The following LRRC31 variants were observed in gnomAD, a reference collection of about 807,000 sequenced individuals.
LRRC31 encodes leucine-rich repeat-containing protein 31.
LRRC31 carries 35 observed loss-of-function variants against 46.7 expected under a neutral mutation model. That is an observed-to-expected ratio of 0.75 (90% CI 0.57 to 0.99). The LOEUF (loss-of-function observed/expected upper bound fraction) is 0.99. LRRC31 is among the 50% of genes least tolerant of loss of function. The probability of loss-of-function intolerance (pLI) is 0.00; values close to 1 mark genes in which losing one functional copy is unlikely to be tolerated. For missense variants in LRRC31, 613 were observed against 626.1 expected, an observed-to-expected ratio of 0.98 and a Z score of 0.22; for synonymous variants, 236 against 235.1, an observed-to-expected ratio of 1.00 and a Z score of -0.03.
chr3:169,864,001 AGT>A (rs35795931), intron 1 of LRRC31, among the ~76,000 whole-genome samples: 3,022 of 148,462 alleles, frequency 0.02, 75 homozygotes, highest in African/African-American at 0.047. Context: ...TCCAAAGCCT[AGT>A]GTGTGTGTGT....
intron 5 of LRRC31, among the ~76,000 whole-genome samples, chr3:169,855,236 G>A (rs921655355): frequency 6.6e-6 from 1 of 152,152 alleles, no homozygotes; most frequent in Non-Finnish European, 1.5e-5. Context: ...GCCTGGCCAA[G>A]ATGGTGAAAC....
intron 8 of LRRC31, among the ~76,000 whole-genome samples, chr3:169,840,653 C>G (rs563534566): frequency 1.3e-5 from 2 of 152,280 alleles, no homozygotes; most frequent in Admixed American, 1.3e-4. Context: ...AACTAAGGAC[C>G]ATTTGTAAAT....
At chr3:169,853,513 G>C (rs561803604) in intron 6 of LRRC31, 1 of 985,636 alleles carries the variant, frequency 1.0e-6, no homozygotes, top group East Asian at 1.1e-4. Context: ...GGAGCAAAAT[G>C]AGATGTGGTA....
At chr3:169,862,935 T>G (rs1354612078) in intron 1 of LRRC31, among the ~76,000 whole-genome samples, 1 of 150,944 alleles carries the variant, frequency 6.6e-6, no homozygotes, top group Admixed American at 6.6e-5. Flanking sequence ...CAGGTTAGAG[T>G]GCAGTGGCAC....
At chr3:169,843,390 C>T (rs1405132217) in intron 8 of LRRC31, among the ~76,000 whole-genome samples, 2 of 152,224 alleles carry the variant, frequency 1.3e-5, no homozygotes, top group East Asian at 3.8e-4. Flanking sequence ...CTAGAGCCTT[C>T]AGATGAGAAC....
chr3:169,853,098 C>T, intron 6 of LRRC31: 1 of 398,186 alleles, frequency 2.5e-6, no homozygotes, highest in Non-Finnish European at 3.4e-6. Context: ...CTTTGTATTT[C>T]ACCATGTAGT....
At chr3:169,841,388 A>G (rs1560620401) in intron 8 of LRRC31, among the ~76,000 whole-genome samples, 1 of 152,198 alleles carries the variant, frequency 6.6e-6, no homozygotes, top group Non-Finnish European at 1.5e-5. Context: ...TGGCTTTCAG[A>G]TCAAGGAGGA....
At position 169,851,744 on chromosome 3, in the gene LRRC31, A is replaced by G; in HGVS notation, c.1034T>C (p.Leu345Ser). 1.2e-6 allele frequency: 2 copies of G among 1,614,208 alleles called. No homozygotes were observed. Among genetic ancestry groups the G allele is most frequent in the African/African-American group, 1.3e-5 (1 of 75,054 alleles). ...PLLSNLQELDLSANKKMGSSS... is the reference protein window; with the variant it reads ...PLLSNLQELDSSANKKMGSSS... ...ACTGCCCATCTTTTTGTTGGCTGAT[A>G]AATCCAATTCTTGAAGATTTGAAAG... is the stretch of plus-strand genomic sequence containing the variant. Residue 345 changes from leucine to serine, a missense_variant, in exon 7 of 9, where the codon TTA becomes TCA. Leu to Ser is a moderately radical substitution (Grantham distance 145). Coordinates refer to ENST00000316428, the MANE Select transcript of LRRC31 (RefSeq NM_024727.4).
intron 8 of LRRC31, among the ~76,000 whole-genome samples, chr3:169,844,748 A>T (rs547196719): frequency 2.0e-4 from 30 of 152,262 alleles, no homozygotes; most frequent in African/African-American, 7.0e-4. Flanking sequence ...CCTGACCAAC[A>T]TGGTGAAACC....
At chr3:169,866,485 C>G (rs2108231119) in intron 1 of LRRC31, among the ~76,000 whole-genome samples, 1 of 152,300 alleles carries the variant, frequency 6.6e-6, no homozygotes, top group East Asian at 1.9e-4. Flanking sequence ...CTAAATCACA[C>G]TCTAGAACAA....
At chr3:169,855,967 C>A (rs1217974675) in intron 5 of LRRC31, among the ~76,000 whole-genome samples, 1 of 151,976 alleles carries the variant, frequency 6.6e-6, no homozygotes, top group East Asian at 1.9e-4. Context: ...TGCAACCTCA[C>A]CTCCTGAGTT....
At chr3:169,851,588 G>A (rs751012712) in intron 7 of LRRC31, 31 bp downstream of exon 7, 2 of 1,587,830 alleles carry the variant, frequency 1.3e-6, no homozygotes, top group Non-Finnish European at 1.7e-6. Flanking sequence ...ATTATTGCAT[G>A]GTTCCTGCAG....
At chr3:169,850,733 A>G (rs1331075167) in intron 7 of LRRC31, among the ~76,000 whole-genome samples, 1 of 152,180 alleles carries the variant, frequency 6.6e-6, no homozygotes, top group East Asian at 1.9e-4. Context: ...TGGTGAATGC[A>G]TGTAAAGTTC....
chr3:169,854,815 A>G lies in LRRC31; in HGVS notation c.989T>C (p.Leu330Pro). The G allele has an allele frequency of 1.2e-6, 2 of 1,609,298 alleles. No homozygotes were observed. The highest frequency in any genetic ancestry group is 1.7e-6 in the Non-Finnish European group (2 of 1,176,178). Residue 330 changes from leucine to proline, a missense_variant and splice_region_variant, in exon 6 of 9, where the codon CTG (leucine) becomes CCG (proline). Leu to Pro is a moderately conservative substitution (Grantham distance 98, BLOSUM62 -3). Transcript: ENST00000316428. ...TTTGCTCTGCAATATATACTTACTC[A>G]GTGACATCACGTCATCTGCTGTTAG... ...CSLTADDVMS[L>P]TQVIPLLSNL...
rs756619512 is a variant in LRRC31 at position 169,860,709 on chromosome 3, G to A, written c.339C>T (p.Leu113=). ...MKEMVALLPF[L]PDLEELDISW... ...AGATATCCAGTTCTTCCAAGTCTGGGAGAAAAGGCAGCAAGGCAACTAGAA... is the reference window on the plus strand; with the variant it reads ...AGATATCCAGTTCTTCCAAGTCTGGAAGAAAAGGCAGCAAGGCAACTAGAA... Residue 113 remains leucine, a synonymous_variant, in exon 3 of 9, where the codon CTC becomes CTT. Coordinates refer to ENST00000316428, the MANE Select transcript of LRRC31 (RefSeq NM_024727.4). The A allele has an allele frequency of 6.2e-7, 1 of 1,613,898 alleles. No homozygotes were observed. Among genetic ancestry groups the A allele is most frequent in the African/African-American group, 1.3e-5 (1 of 74,914 alleles).
intron 1 of LRRC31, among the ~76,000 whole-genome samples, chr3:169,868,866 TA>T (rs1003984489): frequency 1.3e-4 from 19 of 151,930 alleles, no homozygotes; most frequent in African/African-American, 3.9e-4. Context: ...AAGAAAACTC[TA>T]AAAAATAAAG....
rs1780946737 is a variant in LRRC31 at position 169,856,499 on chromosome 3, T to C, written c.660A>G (p.Gln220=). The C allele has an allele frequency of 1.9e-6, 3 of 1,593,852 alleles. No individual in the cohort carries two copies. The highest frequency in any genetic ancestry group is 2.6e-6 in the Non-Finnish European group (3 of 1,171,462). Residue 220 remains glutamine, a synonymous_variant, in exon 5 of 9, where the codon CAA becomes CAG. Coordinates refer to ENST00000316428, the MANE Select transcript of LRRC31 (RefSeq NM_024727.4). ...CGAGACTTTGCAGCATAGGTAGCAG[T>C]TGACCTAGAAGGAAAGAAATCCAAA... ...LTSEDGTFLG[Q]LLPMLQSLEV...
chr3:169,869,615 C>T lies in LRRC31; in HGVS notation c.175+18G>A. The T allele has an allele frequency of 6.5e-7, 1 of 1,547,076 alleles. No homozygotes were observed. Among genetic ancestry groups the T allele is most frequent in the Non-Finnish European group, 8.7e-7 (1 of 1,152,152 alleles). On this transcript the variant is annotated intron_variant, in intron 1 of 8. Coordinates refer to ENST00000316428, the MANE Select transcript of LRRC31 (RefSeq NM_024727.4). ...AAAACAAATACAACAGCAAAAACAC[C>T]AGCAGCCAGCAGCTTACCAGTCTCT...
chr3:169,868,774 A>G (rs1781405836), intron 1 of LRRC31, among the ~76,000 whole-genome samples: 1 of 152,230 alleles, frequency 6.6e-6, no homozygotes, highest in Non-Finnish European at 1.5e-5. Context: ...AACATAATAA[A>G]TGATTAGCAC....
Sources: allele counts gnomAD v4.1 joint callset (sites outside exome capture counted in the v4.1 genomes callset), GRCh38; gene constraint gnomAD v4.1.1; transcripts MANE v1.5; gene names NCBI Gene and HGNC (gene_info 2026-07-23, HGNC 2026-07-21).